The following NDUFB9 variants were observed in gnomAD, a reference collection of about 807,000 sequenced individuals.
NDUFB9 encodes the protein NADH dehydrogenase [ubiquinone] 1 beta subcomplex subunit 9.
A neutral mutation model predicts 30.2 loss-of-function variants in NDUFB9; 24 were observed. The observed-to-expected ratio is 0.80, with a 90% CI of 0.58 to 1.12. NDUFB9 has a LOEUF of 1.12. Among genes scored for constraint, NDUFB9 ranks in the 50% most tolerant of loss-of-function variants. NDUFB9 has a pLI of 0.00. For synonymous variants in NDUFB9, 80 were observed against 84.0 expected, an observed-to-expected ratio of 0.95 and a Z score of 0.26; for missense variants, 204 against 226.0, an observed-to-expected ratio of 0.90 and a Z score of 0.62.
In NDUFB9 at chr8:124,549,962, A is replaced by G. The variant is rs1400630425; in HGVS notation, c.*70A>G. ...ACAGAACATGCACTTGCCCTAATAA[A>G]AAATCAGTGAAATGGTCTCTGGTAT... On this transcript the variant is annotated 3_prime_UTR_variant, in exon 4 of 4. Coordinates refer to ENST00000276689, the MANE Select transcript of NDUFB9 (RefSeq NM_005005.3). 6.2e-7 allele frequency: 1 copy of G among 1,609,144 alleles called. No homozygotes were observed. The highest frequency in any genetic ancestry group is 1.1e-5 in the South Asian group (1 of 90,098).
chr8:124,544,810 T>TTTGGGAGGCCGAGGCG (rs1822114762), intron 2 of NDUFB9, among the ~76,000 whole-genome samples: 1 of 152,192 alleles, frequency 6.6e-6, no homozygotes, highest in Admixed American at 6.5e-5. Flanking sequence ...AAATATATTT[T>TTTGGGAGGCCGAGGCG]GCATAGTTAT....
rs373484388 is a variant in NDUFB9, at chr8:124,549,873, C to T, written c.521C>T (p.Pro174Leu). The T allele has an allele frequency of 1.9e-6, 3 of 1,614,144 alleles. No individual in the cohort carries two copies. The highest frequency in any genetic ancestry group is 2.5e-6 in the Non-Finnish European group (3 of 1,180,030). ...CTGTGGTGGTATATTGTGACCAGAC[C>T]CCGGGAGCGGCCCATGTAGAAAGAG... ...PPLWWYIVTR[P>L]RERPM The change falls in exon 4 of 4, where the codon CCC becomes CTC. Residue 174 changes from proline (P) to leucine (L), a missense_variant. Pro to Leu is a moderately conservative substitution (Grantham distance 98). Transcript: ENST00000276689.
At chr8:124,546,967 G>T (rs778425343) in intron 2 of NDUFB9, 33 bp from the exon 3 acceptor site, 2 of 1,476,218 alleles carry the variant, frequency 1.4e-6, no homozygotes, top group South Asian at 2.3e-5. Context: ...AATGTGTCCT[G>T]TGGATTGATA....
chr8:124,541,004 A>G (rs1821956691), intron 1 of NDUFB9, among the ~76,000 whole-genome samples: 1 of 152,116 alleles, frequency 6.6e-6, no homozygotes, highest in African/African-American at 2.4e-5. Context: ...CGTCTCTACT[A>G]AAAATACAAA....
chr8:124,549,901 A>C lies in NDUFB9; in HGVS notation c.*9A>C. 1 of 1,614,154 alleles carries C rather than the reference A, an allele frequency of 6.2e-7. No homozygotes were observed. Among genetic ancestry groups the C allele is most frequent in the Non-Finnish European group, 8.5e-7 (1 of 1,179,992 alleles). ...GGGAGCGGCCCATGTAGAAAGAGAG[A>C]GACCTCATCTTTCATGCTTGCAAGT... is the stretch of plus-strand genomic sequence containing the variant. On this transcript the variant is annotated 3_prime_UTR_variant, in exon 4 of 4. Transcript: ENST00000276689.
At chr8:124,547,578 T>G (rs1409356225) in intron 3 of NDUFB9, 1 of 325,270 alleles carries the variant, frequency 3.1e-6, no homozygotes, top group Non-Finnish European at 5.7e-6. Context: ...TGACTAACAC[T>G]AGGGTGGATG....
At chr8:124,547,634 T>C (rs1323303778) in intron 3 of NDUFB9, among the ~76,000 whole-genome samples, 3 of 152,054 alleles carry the variant, frequency 2.0e-5, no homozygotes, top group Non-Finnish European at 4.4e-5. Context: ...TTTGGAGGGA[T>C]GTGACGACTG....
rs189580889 is a variant in NDUFB9, at chr8:124,549,655, G to A, written c.409-106G>A. ...ATATTGTGATCAGATAGTGTGTAAT[G>A]TCAGTGACACACCATAGACATAAAG... On this transcript the variant is annotated intron_variant, in intron 3 of 3. Transcript: ENST00000276689. 227 of 1,036,590 alleles carry A rather than the reference G, an allele frequency of 2.2e-4. No individual in the cohort carries two copies. The African/African-American group carries it at 3.3e-3, about 15-fold the overall frequency. The allele number at this position is 1,036,590 out of a possible 1,614,324, so 64.2% of individuals were successfully genotyped here.
At position 124,543,288 on chromosome 8, in the gene NDUFB9, GA is replaced by G. The variant is rs1417906996; in HGVS notation, c.294+11del. 6.2e-7 allele frequency: 1 copy of G among 1,609,636 alleles called. No homozygotes were observed. Among genetic ancestry groups the G allele is most frequent in the East Asian group, 2.2e-5 (1 of 44,874 alleles). ...GATACGATTGCTACAAGGTAGGTGAGAATTATGATGACTGCCTTCTGAGAAA... is the reference window on the plus strand; with the variant it reads ...GATACGATTGCTACAAGGTAGGTGAGATTATGATGACTGCCTTCTGAGAAA... On this transcript the variant is annotated intron_variant, in intron 2 of 3. Transcript: ENST00000276689.
At chr8:124,546,854 T>C in intron 2 of NDUFB9, 146 bp from the exon 3 acceptor site, 3 of 742,004 alleles carry the variant, frequency 4.0e-6, no homozygotes, top group Non-Finnish European at 7.4e-6. Context: ...CCTCTGCTGT[T>C]CCTTGCTTAG....
chr8:124,539,336 T>A (rs1320056623), intron 1 of NDUFB9, 49 bp downstream of exon 1: 2 of 1,561,586 alleles, frequency 1.3e-6, no homozygotes, highest in South Asian at 2.2e-5. Flanking sequence ...CGGGGCCCCA[T>A]GGAGGTGGAG....
At chr8:124,547,363 C>G in intron 3 of NDUFB9, 1 of 610,972 alleles carries the variant, frequency 1.6e-6, no homozygotes, top group Non-Finnish European at 2.9e-6. Context: ...AGTCCTTTGT[C>G]TGACTTTTTT....
intron 1 of NDUFB9, chr8:124,542,885 A>T: frequency 1.9e-6 from 1 of 531,916 alleles, no homozygotes; most frequent in Non-Finnish European, 3.4e-6. Context: ...TAGGGTATAT[A>T]TTTAATACAG....
At chr8:124,544,509 A>G (rs547557613) in intron 2 of NDUFB9, among the ~76,000 whole-genome samples, 1 of 152,340 alleles carries the variant, frequency 6.6e-6, no homozygotes, top group Admixed American at 6.5e-5. Context: ...CTTCAAGGAT[A>G]GGCTGACTCT....
intron 2 of NDUFB9, among the ~76,000 whole-genome samples, chr8:124,546,127 C>G (rs1586716161): frequency 6.6e-6 from 1 of 152,348 alleles, no homozygotes; most frequent in Non-Finnish European, 1.5e-5. Flanking sequence ...CAGGCGTGAG[C>G]CACTGCACCT....
chr8:124,540,726 A>G (rs1821931056), intron 1 of NDUFB9, among the ~76,000 whole-genome samples: 1 of 151,532 alleles, frequency 6.6e-6, no homozygotes, highest in African/African-American at 2.4e-5. Context: ...CCTTGCCTTA[A>G]TTTCTTCCTC....
chr8:124,548,950 G>C (rs1012878953), intron 3 of NDUFB9, among the ~76,000 whole-genome samples: 6 of 152,194 alleles, frequency 3.9e-5, no homozygotes, highest in African/African-American at 1.4e-4. Context: ...GGAAGTGTTT[G>C]GCCAAGGGGG....
intron 3 of NDUFB9, 127 bp downstream of exon 3, chr8:124,547,240 T>C: frequency 2.7e-6 from 2 of 750,670 alleles, no homozygotes; most frequent in Non-Finnish European, 2.4e-6. Flanking sequence ...AGATATACTT[T>C]AGTATCTAAG....
intron 3 of NDUFB9, chr8:124,547,367 CT>C (rs2131612890): frequency 3.3e-6 from 2 of 608,748 alleles, no homozygotes; most frequent in South Asian, 4.0e-5. Context: ...CTTTGTCTGA[CT>C]TTTTTGCCTT....
Sources: allele counts gnomAD v4.1 joint callset (sites outside exome capture counted in the v4.1 genomes callset), GRCh38; gene constraint gnomAD v4.1.1; transcripts MANE v1.5; gene names NCBI Gene and HGNC (gene_info 2026-07-23, HGNC 2026-07-21).